The following RSPO3 variants were observed in gnomAD, a reference collection of about 807,000 sequenced individuals.
The protein encoded by RSPO3 is R-spondin 3, also known as R-spondin-3.
In RSPO3, 17 loss-of-function variants were observed where a neutral mutation model predicts 36.5. The observed-to-expected ratio is 0.47, with a 90% CI of 0.32 to 0.70. RSPO3 has a LOEUF of 0.70. RSPO3 is among the 30% of genes least tolerant of loss of function. The probability of loss-of-function intolerance (pLI) is 0.04; values close to 1 mark genes in which losing one functional copy is unlikely to be tolerated. For synonymous variants in RSPO3, 108 were observed against 107.0 expected (o/e 1.01, Z -0.06); for missense variants, 294 against 322.5 (o/e 0.91, Z 0.68).
intron 1 of RSPO3, among the ~76,000 whole-genome samples, chr6:127,120,749 G>A (rs1773827390): frequency 6.6e-6 from 1 of 152,256 alleles, no homozygotes; most frequent in South Asian, 2.1e-4. Flanking sequence ...GAGCGACAGG[G>A]GCCCTGGCCG....
intron 1 of RSPO3, among the ~76,000 whole-genome samples, chr6:127,142,316 A>G (rs1488170941): frequency 2.0e-5 from 3 of 152,324 alleles, no homozygotes; most frequent in South Asian, 4.1e-4. Context: ...CACATGAACA[A>G]ATGAGAAACA....
chr6:127,174,468 A>G (rs1188759527), intron 4 of RSPO3, among the ~76,000 whole-genome samples: 2 of 151,930 alleles, frequency 1.3e-5, no homozygotes, highest in South Asian at 4.1e-4. Flanking sequence ...ACTAAGCAGT[A>G]TGAAGAAAGC....
intron 1 of RSPO3, among the ~76,000 whole-genome samples, chr6:127,144,426 T>A (rs1266948941): frequency 6.6e-6 from 1 of 152,132 alleles, no homozygotes; most frequent in Non-Finnish European, 1.5e-5. Flanking sequence ...GTTTGAAGTT[T>A]CAAAATAAAT....
Position 127,197,226 on chromosome 6 carries a change from A to G in RSPO3, c.*1219A>G. The G allele has an allele frequency of 1.7e-6, 1 of 590,822 alleles. No homozygotes were observed. Among genetic ancestry groups the G allele is most frequent in the Non-Finnish European group, 2.8e-6 (1 of 351,718 alleles). 36.6% of individuals were successfully genotyped at this position (590,822 alleles called of 1,614,324 possible). Reference sequence around the variant, plus strand: ...TATCTGAGCCAATGGAGATTTACTTATAGCGTATTAGGAGATATTTATTCC... The same window carrying G: ...TATCTGAGCCAATGGAGATTTACTTGTAGCGTATTAGGAGATATTTATTCC... On this transcript the variant is annotated 3_prime_UTR_variant, in exon 5 of 5. Coordinates refer to ENST00000356698, the MANE Select transcript of RSPO3 (RefSeq NM_032784.5).
intron 4 of RSPO3, among the ~76,000 whole-genome samples, chr6:127,156,899 T>A (rs946066298): frequency 6.6e-6 from 1 of 152,154 alleles, no homozygotes; most frequent in East Asian, 1.9e-4. Context: ...CAAAGAAACA[T>A]CCATTATGCC....
At chr6:127,179,491 A>C (rs1392330374) in intron 4 of RSPO3, among the ~76,000 whole-genome samples, 1 of 151,884 alleles carries the variant, frequency 6.6e-6, no homozygotes, top group Non-Finnish European at 1.5e-5. Context: ...GATCTCATTT[A>C]GTTTACTCTA....
At position 127,199,242 on chromosome 6, in the gene RSPO3, ATTG is replaced by A. The variant is rs1490913276; in HGVS notation, c.*3238_*3240del. ...GAATTGGCATCATCTCTTTTGCAAG[ATTG>A]TTATGAGAATTAAAAGGTTCTTCAT... is the stretch of plus-strand genomic sequence containing the variant. On this transcript the variant is annotated 3_prime_UTR_variant, in exon 5 of 5. Coordinates refer to ENST00000356698, the MANE Select transcript of RSPO3 (RefSeq NM_032784.5). Among the ~76,000 whole-genome samples, 2 of 152,306 alleles carry A rather than the reference ATTG, an allele frequency of 1.3e-5. No homozygotes were observed. The highest frequency in any genetic ancestry group is 1.9e-4 in the East Asian group (1 of 5,184).
At chr6:127,148,479 A>G (rs1774429037) in intron 1 of RSPO3, among the ~76,000 whole-genome samples, 169 bp from the exon 2 acceptor site, 2 of 152,046 alleles carry the variant, frequency 1.3e-5, no homozygotes, top group Non-Finnish European at 2.9e-5. Flanking sequence ...ACATGTGCTA[A>G]AGGGAAATAA....
intron 1 of RSPO3, among the ~76,000 whole-genome samples, chr6:127,128,892 C>A (rs1385756794): frequency 6.6e-6 from 1 of 152,018 alleles, no homozygotes; most frequent in Admixed American, 6.6e-5. Flanking sequence ...AGTGTCTTTG[C>A]TGCTGAGCTA....
intron 1 of RSPO3, among the ~76,000 whole-genome samples, chr6:127,144,218 T>G (rs894137362): frequency 6.6e-6 from 1 of 152,224 alleles, no homozygotes; most frequent in Admixed American, 6.5e-5. Flanking sequence ...TTTCACTGTG[T>G]ATGTGACACA....
intron 1 of RSPO3, chr6:127,119,930 G>A (rs534925287): frequency 1.3e-5 from 2 of 152,712 alleles, no homozygotes; most frequent in African/African-American, 4.8e-5. Context: ...CCCGCCCGAG[G>A]GTTGAAGACA....
chr6:127,163,470 T>G (rs1274690570), intron 4 of RSPO3, among the ~76,000 whole-genome samples: 1 of 152,142 alleles, frequency 6.6e-6, no homozygotes. Flanking sequence ...CTTGGGCCTC[T>G]CAAGAGGTGT....
intron 4 of RSPO3, among the ~76,000 whole-genome samples, chr6:127,161,864 T>A (rs1774716402): frequency 6.6e-6 from 1 of 152,178 alleles, no homozygotes; most frequent in South Asian, 2.1e-4. Context: ...TTGCCATTGT[T>A]TAGGTCTGGT....
At chr6:127,183,094 T>C (rs1199380031) in intron 4 of RSPO3, among the ~76,000 whole-genome samples, 1 of 151,960 alleles carries the variant, frequency 6.6e-6, no homozygotes, top group Non-Finnish European at 1.5e-5. Context: ...AGACCACTGT[T>C]TTCCAGCTTT....
At position 127,118,938 on chromosome 6, in the gene RSPO3, C is replaced by A; in HGVS notation, c.-255C>A. The A allele has an allele frequency of 3.4e-6, 1 of 294,756 alleles. No homozygotes were observed. The highest frequency in any genetic ancestry group is 6.2e-6 in the Non-Finnish European group (1 of 161,230). The allele number at this position is 294,756 out of a possible 1,614,324, so 18.3% of individuals were successfully genotyped here. A position where few individuals can be genotyped will look rare whatever the true frequency, so the allele number is the denominator to read the frequency against. On this transcript the variant is annotated 5_prime_UTR_variant, in exon 1 of 5. Transcript: ENST00000356698. The stretch of plus-strand genomic sequence containing the variant: ...CGGCGGCTCCTGGAACCCCGGTTCG[C>A]GGCGATGCCAGCCACCCCAGCGAAG...
At chr6:127,167,843 G>A (rs1167118117) in intron 4 of RSPO3, among the ~76,000 whole-genome samples, 1 of 151,680 alleles carries the variant, frequency 6.6e-6, no homozygotes. Flanking sequence ...TCCCACCTAT[G>A]AGTGAGAACA....
rs1775008326 is a variant in RSPO3 at position 127,174,522 on chromosome 6, AAACT to A, written c.634+19085_634+19088del. Among the ~76,000 whole-genome samples, 4 of 151,870 alleles carry A rather than the reference AAACT, an allele frequency of 2.6e-5. No individual in the cohort carries two copies. The South Asian group carries it at 8.3e-4, about 31-fold the overall frequency. ...AAATCAGGGTAATAGATACATTAAG[AAACT>A]GCTTCTGTGCTAGCTTTTATTTTGT... On this transcript the variant is annotated intron_variant, in intron 4 of 4. Transcript: ENST00000356698.
chr6:127,120,482 CCCA>C (rs1408511911), intron 1 of RSPO3, among the ~76,000 whole-genome samples: 1 of 152,238 alleles, frequency 6.6e-6, no homozygotes, highest in African/African-American at 2.4e-5. Flanking sequence ...GCCCAGCGGC[CCCA>C]CCTGGTTTCC....
Position 127,119,275 on chromosome 6 carries a change from G to A in RSPO3, c.83G>A (p.Arg28Lys). Residue 28 changes from arginine to lysine, a missense_variant, in exon 1 of 5, where the codon AGG becomes AAG. By Grantham distance (26) the Arg-to-Lys change is conservative (BLOSUM62 2). Transcript: ENST00000356698. ...YIGSQNASRGRRQRRMHPNVS... is the reference protein window; with the variant it reads ...YIGSQNASRGKRQRRMHPNVS... Reference sequence around the variant, plus strand: ...GGCAGCCAAAACGCCTCCCGGGGAAGGCGCCAGCGAAGAAGTAAGTGCAGG... The same window carrying A: ...GGCAGCCAAAACGCCTCCCGGGGAAAGCGCCAGCGAAGAAGTAAGTGCAGG... The A allele has an allele frequency of 6.2e-7, 1 of 1,612,510 alleles. No homozygotes were observed. Among genetic ancestry groups the A allele is most frequent in the Non-Finnish European group, 8.5e-7 (1 of 1,179,082 alleles).
Sources: gnomAD v4.1 joint callset for allele counts (sites outside exome capture counted in the v4.1 genomes callset) on GRCh38, gnomAD v4.1.1 for gene constraint, MANE v1.5 for transcripts, NCBI Gene and HGNC (gene_info 2026-07-23, HGNC 2026-07-21) for gene names.